ERVV-2: variants seen among roughly 807,000 people sequenced by gnomAD.
ERVV-2 encodes endogenous retrovirus group V member 2 Env polyprotein.
For synonymous variants in ERVV-2, 105 were observed against 184.6 expected (o/e 0.57, Z 3.49); for missense variants, 291 against 495.1 (o/e 0.59, Z 3.91).
chr19:53,046,754 G>A (rs900395952), intron 1 of ERVV-2, among the ~76,000 whole-genome samples: 9 of 152,188 alleles, frequency 5.9e-5, no homozygotes, highest in Non-Finnish European at 1.3e-4. Context: ...ATATCATTAT[G>A]TATTAAGAAG....
intron 1 of ERVV-2, among the ~76,000 whole-genome samples, 155 bp from the exon 2 acceptor site, chr19:53,048,711 AG>A (rs2083900270): frequency 6.7e-6 from 1 of 150,232 alleles, no homozygotes; most frequent in South Asian, 2.1e-4. Context: ...CAAGCCATTC[AG>A]GAGTTTGGAC....
intron 1 of ERVV-2, among the ~76,000 whole-genome samples, chr19:53,048,606 C>T (rs1384632360): frequency 2.2e-5 from 3 of 133,404 alleles, no homozygotes; most frequent in Admixed American, 8.9e-5. Context: ...ACCTGGGAGG[C>T]GGAGGTTGCG....
chr19:53,049,135 A>T lies in ERVV-2; in HGVS notation c.-117A>T. 3 of 973,830 alleles carry T rather than the reference A, an allele frequency of 3.1e-6. No individual in the cohort carries two copies. Among genetic ancestry groups the T allele is most frequent in the Non-Finnish European group, 4.5e-6 (3 of 665,702 alleles). 60.3% of individuals were successfully genotyped at this position (973,830 alleles called of 1,614,324 possible). The stretch of plus-strand genomic sequence containing the variant: ...TTTGACCCAACTGGCATGCCACCTG[A>T]AGTCCCGATAACAGCCTGATTTCTC... On this transcript the variant is annotated 5_prime_UTR_variant, in exon 2 of 2. Coordinates refer to ENST00000601417, the MANE Select transcript of ERVV-2 (RefSeq NM_001191055.2).
chr19:53,045,591 G>A (rs1051375223), intron 1 of ERVV-2, among the ~76,000 whole-genome samples: 1 of 152,140 alleles, frequency 6.6e-6, no homozygotes, highest in African/African-American at 2.4e-5. Context: ...GTGAGCCACT[G>A]CGACCGGCGC....
chr19:53,050,288 A>T lies in ERVV-2; in HGVS notation c.1037A>T (p.Asp346Val). The change falls in exon 2 of 2, where the codon GAT (aspartate) becomes GTT (valine). Residue 346 changes from aspartate to valine, a missense_variant. Transcript: ENST00000601417. ...IAPWGGFTYHDVTLRNLSRQI... is the reference protein window; with the variant it reads ...IAPWGGFTYHVVTLRNLSRQI... ...CCATGGGGAGGGTTCACTTATCATGATGTCACCCTCAGAAATCTCTCCAGA... is the reference window on the plus strand; with the variant it reads ...CCATGGGGAGGGTTCACTTATCATGTTGTCACCCTCAGAAATCTCTCCAGA... 1 of 729,408 alleles carries T rather than the reference A, an allele frequency of 1.4e-6. No individual in the cohort carries two copies. Among genetic ancestry groups the T allele is most frequent in the South Asian group, 1.5e-5 (1 of 67,724 alleles). The allele number at this position is 729,408 out of a possible 1,614,324, so 45.2% of individuals were successfully genotyped here. A position where few individuals can be genotyped will look rare whatever the true frequency, so the allele number is the denominator to read the frequency against.
chr19:53,048,675 C>CAAAAAAAAAAAAA (rs34725225), intron 1 of ERVV-2, among the ~76,000 whole-genome samples, 192 bp from the exon 2 acceptor site: 1 of 92,218 alleles, frequency 1.1e-5, no homozygotes, highest in African/African-American at 4.5e-5. Flanking sequence ...AATTCCATCT[C>CAAAAAAAAAAAAA]AAAAAAAAAA....
At chr19:53,046,239 GC>G (rs1402592361) in intron 1 of ERVV-2, among the ~76,000 whole-genome samples, 1 of 151,928 alleles carries the variant, frequency 6.6e-6, no homozygotes, top group Non-Finnish European at 1.5e-5. Context: ...TCCAGCCTGG[GC>G]AACAAGAGCG....
chr19:53,050,460 T>G lies in ERVV-2; in HGVS notation c.1209T>G (p.Asn403Lys), dbSNP rs2083907886. Residue 403 changes from asparagine (N) to lysine (K), a missense_variant, in exon 2 of 2, where the codon AAT becomes AAG. By Grantham distance (94) the Asn-to-Lys change is moderately conservative. Transcript: ENST00000601417. The part of the protein sequence containing the change: ...AEQGGVCAVI[N>K]KSCCVYVNNS... ...AGGGTGGAGTCTGTGCAGTGATCAA[T>G]AAATCCTGTTGCGTTTATGTCAATA... 1 of 723,350 alleles carries G rather than the reference T, an allele frequency of 1.4e-6. No individual in the cohort carries two copies. The allele number at this position is 723,350 out of a possible 1,614,324, so 44.8% of individuals were successfully genotyped here.
intron 1 of ERVV-2, among the ~76,000 whole-genome samples, chr19:53,045,940 G>A (rs1915572437): frequency 1.3e-5 from 2 of 152,062 alleles, no homozygotes; most frequent in South Asian, 2.1e-4. Flanking sequence ...TGGAGGGACC[G>A]GCACTGGGAG....
At position 53,049,988 on chromosome 19, in the gene ERVV-2, G is replaced by C. The variant is rs2083905623; in HGVS notation, c.737G>C (p.Arg246Pro). ...LHKWFDSHIP[R>P]WACTPPGYVF... ...AAGTGGTTCGACAGCCACATCCCCC[G>C]GTGGGCCTGTACCCCTCCTGGCTAT... The change falls in exon 2 of 2, where the codon CGG becomes CCG. Residue 246 changes from arginine (R) to proline (P), a missense_variant. Coordinates refer to ENST00000601417, the MANE Select transcript of ERVV-2 (RefSeq NM_001191055.2). 6.6e-7 allele frequency: 1 copy of C among 1,504,754 alleles called. No individual in the cohort carries two copies. Among genetic ancestry groups the C allele is most frequent in the Non-Finnish European group, 8.9e-7 (1 of 1,129,410 alleles). The allele number at this position is 1,504,754 out of a possible 1,614,324, so 93.2% of individuals were successfully genotyped here.
intron 1 of ERVV-2, 94 bp from the exon 2 acceptor site, chr19:53,048,773 C>T: frequency 4.4e-6 from 1 of 228,816 alleles, no homozygotes; most frequent in Non-Finnish European, 8.5e-6. Context: ...CCCATTATAC[C>T]AACCAGGGTC....
chr19:53,045,576 C>T (rs376227780), intron 1 of ERVV-2, among the ~76,000 whole-genome samples: 16 of 152,158 alleles, frequency 1.1e-4, no homozygotes, highest in Non-Finnish European at 1.5e-4. Flanking sequence ...GCTGGGATTA[C>T]GGGCGTGAGC....
In ERVV-2 at chr19:53,048,925, A is replaced by G. The variant is rs1305182853; in HGVS notation, c.-327A>G. 1.8e-5 allele frequency: 9 copies of G among 487,924 alleles called. No homozygotes were observed. Among genetic ancestry groups the G allele is most frequent in the Non-Finnish European group, 3.3e-5 (9 of 272,562 alleles). 30.2% of individuals were successfully genotyped at this position (487,924 alleles called of 1,614,324 possible). On this transcript the variant is annotated 5_prime_UTR_variant, in exon 2 of 2. Transcript: ENST00000601417. ...ATCAGTCTCAAGTGAAACTGTGGGA[A>G]GGTCCCGAAGAACCACAGAAGAACA...
rs2083901524 is a variant in ERVV-2 at position 53,049,019 on chromosome 19, A to G, written c.-233A>G. ...TTAAAATTCCACTTCAAGTGAAAAG[A>G]TAAGTAAAGCCTTCTCTCTGTTCAC... On this transcript the variant is annotated 5_prime_UTR_variant, in exon 2 of 2. Transcript: ENST00000601417. 6 of 639,242 alleles carry G rather than the reference A, an allele frequency of 9.4e-6. No homozygotes were observed. Among genetic ancestry groups the G allele is most frequent in the Non-Finnish European group, 1.6e-5 (6 of 375,660 alleles). The allele number at this position is 639,242 out of a possible 1,614,324, so 39.6% of individuals were successfully genotyped here.
At chr19:53,046,938 C>T (rs190008570) in intron 1 of ERVV-2, among the ~76,000 whole-genome samples, 17 of 152,166 alleles carry the variant, frequency 1.1e-4, no homozygotes, top group Admixed American at 5.2e-4. Context: ...GAGGCTGAGG[C>T]GGGCAGATCA....
At chr19:53,047,193 A>G (rs1236801722) in intron 1 of ERVV-2, among the ~76,000 whole-genome samples, 1 of 151,884 alleles carries the variant, frequency 6.6e-6, no homozygotes, top group African/African-American at 2.4e-5. Flanking sequence ...TACTAAAAAT[A>G]CAAAAATAGC....
rs557034919 is a variant in ERVV-2, at chr19:53,045,464, G to A, written c.-386+506G>A. ...ACTACAGGCGTGTGCCACCATGCCC[G>A]GCTAATTTTTGTATTTTTAGTAGAG... On this transcript the variant is annotated intron_variant, in intron 1 of 1. Coordinates refer to ENST00000601417, the MANE Select transcript of ERVV-2 (RefSeq NM_001191055.2). Among the ~76,000 whole-genome samples, 402 of 152,068 alleles carry A rather than the reference G, an allele frequency of 2.6e-3. 2 individuals carry two copies. The highest frequency in any genetic ancestry group is 4.7e-3 in the Admixed American group (72 of 15,264).
rs1268664695 is a variant in ERVV-2 at position 53,050,454 on chromosome 19, G to T, written c.1203G>T (p.Val401=). The T allele has an allele frequency of 1.4e-6, 1 of 723,846 alleles. No homozygotes were observed. Among genetic ancestry groups the T allele is most frequent in the East Asian group, 2.7e-5 (1 of 37,348 alleles). The allele number at this position is 723,846 out of a possible 1,614,324, so 44.8% of individuals were successfully genotyped here. A position where few individuals can be genotyped will look rare whatever the true frequency, so the allele number is the denominator to read the frequency against. ...CAGAGCAGGGTGGAGTCTGTGCAGT[G>T]ATCAATAAATCCTGTTGCGTTTATG... ...LLAEQGGVCA[V]INKSCCVYVN... Residue 401 remains valine, a synonymous_variant, in exon 2 of 2, where the codon GTG becomes GTT. Coordinates refer to ENST00000601417, the MANE Select transcript of ERVV-2 (RefSeq NM_001191055.2).
chr19:53,047,533 C>T (rs1386413358), intron 1 of ERVV-2, among the ~76,000 whole-genome samples: 1 of 152,132 alleles, frequency 6.6e-6, no homozygotes, highest in East Asian at 1.9e-4. Flanking sequence ...GGGCATCAAT[C>T]CCAGGAAATC....
Sources: gnomAD v4.1 joint callset for allele counts (sites outside exome capture counted in the v4.1 genomes callset) on GRCh38, gnomAD v4.1.1 for gene constraint, MANE v1.5 for transcripts, NCBI Gene and HGNC (gene_info 2026-07-23, HGNC 2026-07-21) for gene names.